WFIKKN2: variants seen among roughly 807,000 people sequenced by gnomAD.
WFIKKN2 encodes WAP, Kazal, immunoglobulin, Kunitz and NTR domain-containing protein 2.
Under a neutral mutation model 39.2 loss-of-function variants are expected in WFIKKN2, and 25 were observed. The ratio of observed to expected loss-of-function variants is 0.64; its 90% confidence interval spans 0.47 to 0.89. The LOEUF (loss-of-function observed/expected upper bound fraction) is 0.89, where lower values mean the gene tolerates loss of function less well. Among genes scored for constraint, WFIKKN2 ranks in the 40% least tolerant of loss-of-function variants. The pLI, the probability that WFIKKN2 is intolerant of heterozygous loss-of-function variation, is 0.00. For synonymous variants in WFIKKN2, 345 were observed against 329.7 expected (o/e 1.05, Z -0.50); for missense variants, 770 against 811.7 (o/e 0.95, Z 0.62).
Position 50,839,662 on chromosome 17 carries a change from T to G in WFIKKN2, c.374T>G (p.Ile125Ser), listed in dbSNP as rs746616318. Residue 125 changes from isoleucine to serine, a missense_variant, in exon 2 of 2, where the codon ATC (isoleucine) becomes AGC (serine). Transcript: ENST00000311378. The part of the protein sequence containing the change: ...MCLQQGSECD[I>S]WDGQPVCKCK... ...CTGCAGCAGGGCTCTGAGTGTGACA[T>G]CTGGGATGGCCAGCCCGTGTGTAAG... is the stretch of plus-strand genomic sequence containing the variant. The G allele has an allele frequency of 6.2e-7, 1 of 1,614,220 alleles. No individual in the cohort carries two copies. The highest frequency in any genetic ancestry group is 8.5e-7 in the Non-Finnish European group (1 of 1,180,044).
Position 50,835,873 on chromosome 17 carries a change from G to A in WFIKKN2, c.-65G>A. 6.5e-7 allele frequency: 1 copy of A among 1,535,692 alleles called. No individual in the cohort carries two copies. The highest frequency in any genetic ancestry group is 8.8e-7 in the Non-Finnish European group (1 of 1,136,356). On this transcript the variant is annotated 5_prime_UTR_variant, in exon 1 of 2. Coordinates refer to ENST00000311378, the MANE Select transcript of WFIKKN2 (RefSeq NM_175575.6). ...GGTGTCTGCAGCCCCTGAGAAGAAG[G>A]CCCTGGTGGGCCCCAGACCCTGGCA...
Position 50,839,597 on chromosome 17 carries a change from G to T in WFIKKN2, c.309G>T (p.Val103=). 2 of 1,614,174 alleles carry T rather than the reference G, an allele frequency of 1.2e-6. No individual in the cohort carries two copies. Among genetic ancestry groups the T allele is most frequent in the Non-Finnish European group, 1.7e-6 (2 of 1,180,030 alleles). ...YMDVKGKKGP[V]GMPKEATCDH... is the part of the protein sequence containing the mutation. ...ACGTGAAAGGGAAGAAGGGCCCAGT[G>T]GGCATGCCCAAGGAGGCCACATGTG... The change falls in exon 2 of 2, where the codon GTG becomes GTT. Residue 103 remains valine (V), a synonymous_variant. Coordinates refer to ENST00000311378, the MANE Select transcript of WFIKKN2 (RefSeq NM_175575.6).
chr17:50,840,854 G>C lies in WFIKKN2; in HGVS notation c.1566G>C (p.Val522=), dbSNP rs1972035325. ...CATGCCCCTGCCCCAACGTGACCGTGAGCGAGATGCCGCTCATCATCATGG... is the reference window on the plus strand; with the variant it reads ...CATGCCCCTGCCCCAACGTGACCGTCAGCGAGATGCCGCTCATCATCATGG... ...DWACPCPNVT[V]SEMPLIIMGE... Residue 522 remains valine (V), a synonymous_variant, in exon 2 of 2, where the codon GTG becomes GTC. Transcript: ENST00000311378. 2 of 1,611,162 alleles carry C rather than the reference G, an allele frequency of 1.2e-6. No individual in the cohort carries two copies. Among genetic ancestry groups the C allele is most frequent in the African/African-American group, 1.3e-5 (1 of 74,998 alleles).
chr17:50,839,292 T>G (rs962173395), intron 1 of WFIKKN2, among the ~76,000 whole-genome samples: 1 of 152,220 alleles, frequency 6.6e-6, no homozygotes. Context: ...GTGATGAGCA[T>G]AGCAAGCTCA....
At chr17:50,835,209 C>T (rs540818068), upstream of WFIKKN2, among the ~76,000 whole-genome samples, 1 of 152,334 alleles carries the variant, frequency 6.6e-6, no homozygotes, top group Non-Finnish European at 1.5e-5. Flanking sequence ...CTGGAATGGC[C>T]GTGAACTTGT....
At chr17:50,839,055 T>C (rs567145508) in intron 1 of WFIKKN2, among the ~76,000 whole-genome samples, 1 of 152,342 alleles carries the variant, frequency 6.6e-6, no homozygotes, top group African/African-American at 2.4e-5. Flanking sequence ...ACTGGGAGCT[T>C]GGAGCCTTGT....
chr17:50,838,563 C>G (rs771950757), intron 1 of WFIKKN2, among the ~76,000 whole-genome samples: 1 of 152,170 alleles, frequency 6.6e-6, no homozygotes, highest in Non-Finnish European at 1.5e-5. Context: ...TTGCTAATTT[C>G]GAGGAATTAA....
rs117531376 is a variant in WFIKKN2 at position 50,837,193 on chromosome 17, C to G, written c.210+1046C>G. 0.012 allele frequency among the ~76,000 whole-genome samples: 1,795 copies of G among 152,268 alleles called. 123 individuals carry two copies. In the East Asian group the frequency reaches 0.21, roughly 18 times the overall value. ...ACAGTTGTCATGGCCAGTGAGGGAA[C>G]GATGAGCTTGGAACTCATGTCTAAC... On this transcript the variant is annotated intron_variant, in intron 1 of 1. Transcript: ENST00000311378.
In WFIKKN2 at chr17:50,840,423, A is replaced by T; in HGVS notation, c.1135A>T (p.Met379Leu). The change falls in exon 2 of 2, where the codon ATG becomes TTG. Residue 379 changes from methionine (M) to leucine (L), a missense_variant. Met to Leu is a conservative substitution (Grantham distance 15, BLOSUM62 2). Coordinates refer to ENST00000311378, the MANE Select transcript of WFIKKN2 (RefSeq NM_175575.6). ...ETYEACMLAC[M>L]SGPLAACSLP... is the part of the protein sequence containing the mutation. Reference sequence around the variant, plus strand: ...CTATGAGGCCTGCATGCTGGCCTGCATGAGCGGGCCGCTGGCCGCGTGCAG... The same window carrying T: ...CTATGAGGCCTGCATGCTGGCCTGCTTGAGCGGGCCGCTGGCCGCGTGCAG... The T allele has an allele frequency of 3.1e-6, 5 of 1,613,980 alleles. No individual in the cohort carries two copies. The highest frequency in any genetic ancestry group is 3.4e-6 in the Non-Finnish European group (4 of 1,179,950).
Position 50,835,759 on chromosome 17 carries a change from G to A in WFIKKN2, c.-179G>A, listed in dbSNP as rs961092621. 9.3e-6 allele frequency: 6 copies of A among 644,926 alleles called. No individual in the cohort carries two copies. The highest frequency in any genetic ancestry group is 8.2e-5 in the South Asian group (4 of 48,488). 40.0% of individuals were successfully genotyped at this position (644,926 alleles called of 1,614,324 possible). A position where few individuals can be genotyped will look rare whatever the true frequency, so the allele number is the denominator to read the frequency against. On this transcript the variant is annotated 5_prime_UTR_variant, in exon 1 of 2. Coordinates refer to ENST00000311378, the MANE Select transcript of WFIKKN2 (RefSeq NM_175575.6). ...TCTTTTATCTGAAGCCGCACAGCCCGGCAGGCTGTGCTGACTTGGTGGAGG... is the reference window on the plus strand; with the variant it reads ...TCTTTTATCTGAAGCCGCACAGCCCAGCAGGCTGTGCTGACTTGGTGGAGG...
Position 50,839,482 on chromosome 17 carries a change from C to G in WFIKKN2, c.211-17C>G. ...CCTCCTTCTCCCTGTTCAGGCCACT[C>G]TCTCTGGCTCTTTCAGGAGTGTGAG... On this transcript the variant is annotated splice_polypyrimidine_tract_variant and intron_variant, in intron 1 of 1. Transcript: ENST00000311378. The G allele has an allele frequency of 6.2e-7, 1 of 1,601,316 alleles. No homozygotes were observed. The highest frequency in any genetic ancestry group is 8.5e-7 in the Non-Finnish European group (1 of 1,172,246).
intron 1 of WFIKKN2, among the ~76,000 whole-genome samples, chr17:50,836,787 C>T (rs112804769): frequency 7.1e-6 from 1 of 141,202 alleles, no homozygotes; most frequent in Non-Finnish European, 1.6e-5. Context: ...GAGTGTGAGG[C>T]GGACCAGGTG....
chr17:50,839,497 A>G lies in WFIKKN2; in HGVS notation c.211-2A>G, dbSNP rs1972001732. On this transcript the variant is annotated splice_acceptor_variant, in intron 1 of 1. Transcript: ENST00000311378. LOFTEE classifies it high-confidence loss of function. ...TCAGGCCACTCTCTCTGGCTCTTTCAGGAGTGTGAGACCTATGAGAAGTGC... is the reference window on the plus strand; with the variant it reads ...TCAGGCCACTCTCTCTGGCTCTTTCGGGAGTGTGAGACCTATGAGAAGTGC... 6.2e-7 allele frequency: 1 copy of G among 1,609,386 alleles called. No individual in the cohort carries two copies. Among genetic ancestry groups the G allele is most frequent in the South Asian group, 1.1e-5 (1 of 90,536 alleles).
chr17:50,836,260 C>A, intron 1 of WFIKKN2, 113 bp downstream of exon 1: 1 of 1,269,300 alleles, frequency 7.9e-7, no homozygotes, highest in Non-Finnish European at 1.1e-6. Flanking sequence ...TGAGTGGGGT[C>A]CAGAAGCCAC....
Position 50,839,679 on chromosome 17 carries a change from G to T in WFIKKN2, c.391G>T (p.Val131Leu), listed in dbSNP as rs546698855. Residue 131 changes from valine to leucine, a missense_variant, in exon 2 of 2, where the codon GTG becomes TTG. Physicochemically the swap from Val to Leu is conservative, Grantham distance 32. Coordinates refer to ENST00000311378, the MANE Select transcript of WFIKKN2 (RefSeq NM_175575.6). ...SECDIWDGQPVCKCKDRCEKE... is the reference protein window; with the variant it reads ...SECDIWDGQPLCKCKDRCEKE... Reference sequence around the variant, plus strand: ...GTGTGACATCTGGGATGGCCAGCCCGTGTGTAAGTGCAAAGACCGCTGTGA... The same window carrying T: ...GTGTGACATCTGGGATGGCCAGCCCTTGTGTAAGTGCAAAGACCGCTGTGA... 6.2e-7 allele frequency: 1 copy of T among 1,614,250 alleles called. No individual in the cohort carries two copies. Among genetic ancestry groups the T allele is most frequent in the Non-Finnish European group, 8.5e-7 (1 of 1,180,046 alleles).
Position 50,836,011 on chromosome 17 carries a change from T to C in WFIKKN2, c.74T>C (p.Leu25Pro). ...QVAALLLLLL[L>P]LGVPPRSLAL... ...GCAGCGCTGCTGCTGCTGCTGCTAC[T>C]GCTCGGGGTGCCCCCGCGAAGCCTG... Residue 25 changes from leucine to proline, a missense_variant, in exon 1 of 2, where the codon CTG becomes CCG. Leu to Pro is a moderately conservative substitution (Grantham distance 98, BLOSUM62 -3). Transcript: ENST00000311378. 6.2e-7 allele frequency: 1 copy of C among 1,603,010 alleles called. No individual in the cohort carries two copies. The highest frequency in any genetic ancestry group is 8.5e-7 in the Non-Finnish European group (1 of 1,175,292).
chr17:50,841,257 G>T lies in WFIKKN2; in HGVS notation c.*238G>T. 2.4e-6 allele frequency: 1 copy of T among 418,928 alleles called. No individual in the cohort carries two copies. The highest frequency in any genetic ancestry group is 3.6e-5 in the East Asian group (1 of 28,020). 26.0% of individuals were successfully genotyped at this position (418,928 alleles called of 1,614,324 possible). Reference sequence around the variant, plus strand: ...AAGAGGAGAAGTCAGTGGACACATGGAAGTTACTCGTGACCACCAGCTTGC... The same window carrying T: ...AAGAGGAGAAGTCAGTGGACACATGTAAGTTACTCGTGACCACCAGCTTGC... On this transcript the variant is annotated 3_prime_UTR_variant, in exon 2 of 2. Transcript: ENST00000311378.
Position 50,839,564 on chromosome 17 carries a change from C to T in WFIKKN2, c.276C>T (p.Arg92=). The change falls in exon 2 of 2, where the codon CGC becomes CGT. Residue 92 remains arginine, a synonymous_variant. Transcript: ENST00000311378. ...GGACCAAGAGCTGCGTGGCGGCCCG[C>T]TACATGGACGTGAAAGGGAAGAAGG... ...VCGTKSCVAA[R]YMDVKGKKGP... 6.2e-7 allele frequency: 1 copy of T among 1,614,074 alleles called. No homozygotes were observed. The highest frequency in any genetic ancestry group is 1.1e-5 in the South Asian group (1 of 91,074).
chr17:50,839,661 A>T lies in WFIKKN2; in HGVS notation c.373A>T (p.Ile125Phe). The T allele has an allele frequency of 1.7e-5, 28 of 1,614,252 alleles. No homozygotes were observed. The highest frequency in any genetic ancestry group is 2.3e-5 in the Non-Finnish European group (27 of 1,180,032). Residue 125 changes from isoleucine (I) to phenylalanine (F), a missense_variant, in exon 2 of 2, where the codon ATC becomes TTC. Physicochemically the swap from Ile to Phe is conservative, Grantham distance 21. Coordinates refer to ENST00000311378, the MANE Select transcript of WFIKKN2 (RefSeq NM_175575.6). Reference sequence around the variant, plus strand: ...TCTGCAGCAGGGCTCTGAGTGTGACATCTGGGATGGCCAGCCCGTGTGTAA... The same window carrying T: ...TCTGCAGCAGGGCTCTGAGTGTGACTTCTGGGATGGCCAGCCCGTGTGTAA... ...MCLQQGSECD[I>F]WDGQPVCKCK...
Sources: gnomAD v4.1 joint callset for allele counts (sites outside exome capture counted in the v4.1 genomes callset) on GRCh38, gnomAD v4.1.1 for gene constraint, MANE v1.5 for transcripts, NCBI Gene and HGNC (gene_info 2026-07-23, HGNC 2026-07-21) for gene names.